The following ADCY5 variants were observed in gnomAD, a reference collection of about 807,000 sequenced individuals.
ADCY5 encodes the protein adenylate cyclase type 5.
A neutral mutation model predicts 119.7 loss-of-function variants in ADCY5; 30 were observed. The observed-to-expected ratio is 0.25, with a 90% CI of 0.19 to 0.34. The LOEUF (loss-of-function observed/expected upper bound fraction) is 0.34. Among genes scored for constraint, ADCY5 ranks in the 10% least tolerant of loss-of-function variants. The pLI is 1.00. For missense variants in ADCY5, 1,324 were observed against 1,775.2 expected (o/e 0.75, Z 4.57); for synonymous variants, 753 against 762.2 (o/e 0.99, Z 0.20).
At chr3:123,435,851 T>TTTA (rs34160272) in intron 1 of ADCY5, among the ~76,000 whole-genome samples, 19,652 of 125,722 alleles carry the variant, frequency 0.16, 1,738 homozygotes, top group East Asian at 0.23. Flanking sequence ...CAAGAGCCCT[T>TTTA]TTATTATTAT....
chr3:123,397,573 G>A (rs1376105003), intron 1 of ADCY5, among the ~76,000 whole-genome samples: 2 of 152,198 alleles, frequency 1.3e-5, no homozygotes, highest in East Asian at 3.8e-4. Flanking sequence ...GGAGTTCAGG[G>A]TTACAGTGAG....
At chr3:123,374,879 A>C (rs901015173) in intron 1 of ADCY5, among the ~76,000 whole-genome samples, 14 of 152,334 alleles carry the variant, frequency 9.2e-5, no homozygotes, top group Non-Finnish European at 2.9e-5. Flanking sequence ...ACCTTGACAG[A>C]GACGGAAAGT....
At chr3:123,360,275 A>G (rs1017214120) in intron 1 of ADCY5, among the ~76,000 whole-genome samples, 10 of 152,040 alleles carry the variant, frequency 6.6e-5, no homozygotes, top group Non-Finnish European at 1.3e-4. Flanking sequence ...AACACCATCA[A>G]GCCCATCTCT....
chr3:123,424,191 T>C (rs917998775), intron 1 of ADCY5, among the ~76,000 whole-genome samples: 1 of 152,210 alleles, frequency 6.6e-6, no homozygotes, highest in Non-Finnish European at 1.5e-5. Flanking sequence ...GCATTTGCTC[T>C]GAGATGGAAT....
intron 1 of ADCY5, among the ~76,000 whole-genome samples, chr3:123,368,757 A>G (rs2107526304): frequency 1.3e-5 from 2 of 152,044 alleles, no homozygotes; most frequent in African/African-American, 4.8e-5. Flanking sequence ...GTCTCCAAAA[A>G]AAAAAAAAAA....
intron 15 of ADCY5, 57 bp downstream of exon 15, chr3:123,300,063 G>A: frequency 6.3e-7 from 1 of 1,577,996 alleles, no homozygotes; most frequent in Admixed American, 1.7e-5. Flanking sequence ...TCCTGCTCTT[G>A]CCACCTCCCT....
Position 123,304,011 on chromosome 3 carries a change from A to G in ADCY5, c.2559+56T>C, listed in dbSNP as rs887101571. On this transcript the variant is annotated intron_variant, in intron 13 of 20. Transcript: ENST00000462833. ...GCCTGCTTGTCGGGTACATGGCTCCACTGGGTTTGATCCAATGGGGCTGCG... is the reference window on the plus strand; with the variant it reads ...GCCTGCTTGTCGGGTACATGGCTCCGCTGGGTTTGATCCAATGGGGCTGCG... 1.1e-5 allele frequency: 14 copies of G among 1,248,830 alleles called. No individual in the cohort carries two copies. The East Asian group carries it at 2.6e-4, about 23-fold the overall frequency. The allele number at this position is 1,248,830 out of a possible 1,614,324, so 77.4% of individuals were successfully genotyped here.
chr3:123,308,184 C>T (rs994566838), intron 12 of ADCY5, among the ~76,000 whole-genome samples: 2 of 151,974 alleles, frequency 1.3e-5, no homozygotes, highest in South Asian at 2.1e-4. Flanking sequence ...CAGGCGCCCA[C>T]CACCACGCCC....
intron 1 of ADCY5, chr3:123,367,815 C>T (rs1212100737): frequency 1.5e-5 from 23 of 1,495,924 alleles, no homozygotes; most frequent in Non-Finnish European, 1.7e-5. Context: ...CCATTCCTCA[C>T]CTCTGGGGCT....
chr3:123,338,316 C>T (rs1942118331), intron 3 of ADCY5, among the ~76,000 whole-genome samples: 1 of 152,214 alleles, frequency 6.6e-6, no homozygotes, highest in East Asian at 1.9e-4. Flanking sequence ...AAAGCCTCAC[C>T]ACACATTTAT....
chr3:123,329,180 C>T (rs1447129645), intron 5 of ADCY5, among the ~76,000 whole-genome samples: 2 of 152,230 alleles, frequency 1.3e-5, no homozygotes, highest in Non-Finnish European at 2.9e-5. Flanking sequence ...CCACTCCAAA[C>T]CCTATTTGTA....
chr3:123,333,300 C>T (rs1009668489), intron 3 of ADCY5, among the ~76,000 whole-genome samples: 1 of 152,230 alleles, frequency 6.6e-6, no homozygotes, highest in African/African-American at 2.4e-5. Flanking sequence ...CTTCCAGCCT[C>T]CAGAACCGTG....
intron 1 of ADCY5, among the ~76,000 whole-genome samples, chr3:123,366,374 TC>T (rs1409306767): frequency 2.0e-5 from 3 of 152,068 alleles, no homozygotes; most frequent in Admixed American, 2.0e-4. Context: ...CCTCCTTACT[TC>T]CCCCTGAGGG....
intron 3 of ADCY5, among the ~76,000 whole-genome samples, chr3:123,343,564 G>A (rs907926983): frequency 7.9e-5 from 12 of 152,192 alleles, no homozygotes; most frequent in African/African-American, 2.7e-4. Flanking sequence ...TACCTTTGCT[G>A]TGACCCACGT....
chr3:123,319,003 T>C (rs1327472090), intron 10 of ADCY5, among the ~76,000 whole-genome samples: 1 of 152,158 alleles, frequency 6.6e-6, no homozygotes, highest in African/African-American at 2.4e-5. Context: ...ATAATAACAA[T>C]AATGCAAATA....
intron 1 of ADCY5, among the ~76,000 whole-genome samples, chr3:123,366,649 G>A (rs1943450877): frequency 6.6e-6 from 1 of 152,204 alleles, no homozygotes; most frequent in Non-Finnish European, 1.5e-5. Context: ...GGGGCTTGGG[G>A]AGAATATACG....
At chr3:123,447,370 C>A in intron 1 of ADCY5, 42 bp downstream of exon 1, 1 of 1,468,476 alleles carries the variant, frequency 6.8e-7, no homozygotes, top group African/African-American at 1.4e-5. Context: ...CTGAGGCCTG[C>A]CCGCCCCGCA....
chr3:123,446,229 G>C (rs577409161), intron 1 of ADCY5, among the ~76,000 whole-genome samples: 1 of 152,318 alleles, frequency 6.6e-6, no homozygotes, highest in African/African-American at 2.4e-5. Flanking sequence ...GGGGACACAG[G>C]AGAGCAACTC....
chr3:123,405,821 G>C (rs1224210048), intron 1 of ADCY5, among the ~76,000 whole-genome samples: 1 of 152,102 alleles, frequency 6.6e-6, no homozygotes. Context: ...CTTTAGTAGA[G>C]ATGGGGTTTC....
Sources: gnomAD v4.1 joint callset for allele counts (sites outside exome capture counted in the v4.1 genomes callset) on GRCh38, gnomAD v4.1.1 for gene constraint, MANE v1.5 for transcripts, NCBI Gene and HGNC (gene_info 2026-07-23, HGNC 2026-07-21) for gene names.